The following RNF212 variants were observed in gnomAD, a reference collection of about 807,000 sequenced individuals.
The protein encoded by RNF212 is probable E3 SUMO-protein ligase RNF212.
In RNF212, 33 loss-of-function variants were observed where a neutral mutation model predicts 34.7. That is an observed-to-expected ratio of 0.95 (90% CI 0.72 to 1.27). RNF212 has a LOEUF of 1.27. Among genes scored for constraint, RNF212 ranks in the 50% most tolerant of loss-of-function variants. The probability of loss-of-function intolerance (pLI) is 0.00; values close to 1 mark genes in which losing one functional copy is unlikely to be tolerated. For missense variants in RNF212, 377 were observed against 362.2 expected (o/e 1.04, Z -0.33); for synonymous variants, 140 against 136.1 (o/e 1.03, Z -0.20).
chr4:1,091,326 G>C lies in RNF212; in HGVS notation c.247-488C>G, dbSNP rs181013206. ...ACCCTCCCATTTACAGGAGCCCCGG[G>C]TTCCATGCATGCTGTCTAGACAGCT... On this transcript the variant is annotated intron_variant, in intron 3 of 9. Transcript: ENST00000433731. Among the ~76,000 whole-genome samples the C allele has an allele frequency of 2.0e-3, 310 of 152,314 alleles. 4 individuals are homozygous for C. Among genetic ancestry groups the C allele is most frequent in the Non-Finnish European group, 6.0e-4 (41 of 68,030 alleles).
intron 3 of RNF212, among the ~76,000 whole-genome samples, chr4:1,062,110 A>G (rs1260969395): frequency 6.6e-6 from 1 of 152,248 alleles, no homozygotes; most frequent in Non-Finnish European, 1.5e-5. Context: ...CAAGAAGGGA[A>G]CATTTTCTAA....
At chr4:1,111,617 A>G (rs1233420274) in intron 1 of RNF212, among the ~76,000 whole-genome samples, 1 of 152,018 alleles carries the variant, frequency 6.6e-6, no homozygotes, top group Non-Finnish European at 1.5e-5. Flanking sequence ...ATCACCTCTC[A>G]TGTGCTCAGC....
chr4:1,090,924 G>A (rs1453381075), intron 3 of RNF212, 86 bp from the exon 4 acceptor site: 4 of 821,854 alleles, frequency 4.9e-6, no homozygotes, highest in South Asian at 4.3e-5. Flanking sequence ...AGGCTGGAGG[G>A]ACTCTCAGGA....
chr4:1,086,499 C>A (rs1721181988), intron 4 of RNF212, among the ~76,000 whole-genome samples: 1 of 140,590 alleles, frequency 7.1e-6, no homozygotes, highest in Non-Finnish European at 1.5e-5. Flanking sequence ...CTGGCTCCTG[C>A]AAGAAGCCTC....
intron 1 of RNF212, among the ~76,000 whole-genome samples, chr4:1,111,154 G>A (rs1011932737): frequency 6.6e-6 from 1 of 152,140 alleles, no homozygotes; most frequent in Admixed American, 6.5e-5. Flanking sequence ...CCAATTCCTT[G>A]ACTTCACTGG....
intron 7 of RNF212, 76 bp downstream of exon 7, chr4:1,081,343 G>A: frequency 8.1e-7 from 1 of 1,237,150 alleles, no homozygotes; most frequent in Non-Finnish European, 1.2e-6. Context: ...GAGAGGGGGT[G>A]GGGTTGGGAT....
At chr4:1,094,485 G>T (rs1036714176) in intron 3 of RNF212, among the ~76,000 whole-genome samples, 1 of 152,174 alleles carries the variant, frequency 6.6e-6, no homozygotes, top group Non-Finnish European at 1.5e-5. Context: ...TGGACAAGCC[G>T]CAACTGAGAG....
downstream of RNF212, among the ~76,000 whole-genome samples, chr4:1,070,598 T>C (rs1483296097): frequency 1.3e-5 from 2 of 150,798 alleles, no homozygotes; most frequent in African/African-American, 4.9e-5. Context: ...CGTGGATGCC[T>C]GGCCTGAGTT....
intron 7 of RNF212, among the ~76,000 whole-genome samples, chr4:1,080,859 C>A (rs952327366): frequency 1.3e-5 from 2 of 152,234 alleles, no homozygotes; most frequent in Admixed American, 1.3e-4. Context: ...CTACCCCAGG[C>A]CGGGTTTTCT....
At chr4:1,057,272 C>G (rs951205837) in intron 4 of RNF212, among the ~76,000 whole-genome samples, 3 of 152,160 alleles carry the variant, frequency 2.0e-5, no homozygotes, top group Non-Finnish European at 4.4e-5. Context: ...CTGCAGGCAG[C>G]CAGGGGTGGA....
intron 4 of RNF212, among the ~76,000 whole-genome samples, chr4:1,086,343 G>A (rs1425042981): frequency 1.3e-5 from 2 of 152,012 alleles, no homozygotes; most frequent in African/African-American, 4.8e-5. Context: ...CCCGCCCTGT[G>A]TGTGGGAGCT....
chr4:1,056,758 GCA>G (rs1717350143), intron 4 of RNF212: 2 of 797,150 alleles, frequency 2.5e-6, no homozygotes, highest in Admixed American at 1.2e-4. Context: ...GCTGCCCTTG[GCA>G]CACACTCAGT....
intron 4 of RNF212, among the ~76,000 whole-genome samples, chr4:1,057,616 C>T (rs918015502): frequency 6.6e-6 from 1 of 152,152 alleles, no homozygotes; most frequent in Non-Finnish European, 1.5e-5. Context: ...GAGCAGCTGC[C>T]CCAAAAACCA....
At chr4:1,111,441 G>A (rs1725641260) in intron 1 of RNF212, among the ~76,000 whole-genome samples, 2 of 152,128 alleles carry the variant, frequency 1.3e-5, no homozygotes, top group Admixed American at 1.3e-4. Flanking sequence ...GAGCTCAGGG[G>A]CCCTGCACCC....
chr4:1,100,193 T>C (rs1428693503), intron 2 of RNF212: 1 of 304,074 alleles, frequency 3.3e-6, no homozygotes, highest in Non-Finnish European at 6.4e-6. Flanking sequence ...CCAGGCTTAC[T>C]GCTTTCCCGT....
intron 2 of RNF212, chr4:1,100,986 A>G (rs1009195297): frequency 8.9e-5 from 16 of 180,412 alleles, no homozygotes; most frequent in African/African-American, 3.8e-4. Flanking sequence ...GCTCTTCCAT[A>G]TTGTCAGGCT....
At chr4:1,108,063 G>C (rs1725094759) in intron 2 of RNF212, among the ~76,000 whole-genome samples, 1 of 152,162 alleles carries the variant, frequency 6.6e-6, no homozygotes, top group African/African-American at 2.4e-5. Context: ...CTCTTAAGGT[G>C]CCTGTATTGT....
chr4:1,078,561 A>G (rs59830952), intron 8 of RNF212, among the ~76,000 whole-genome samples: 6,491 of 152,142 alleles, frequency 0.043, 475 homozygotes, highest in African/African-American at 0.15. Flanking sequence ...TTTCTGACCC[A>G]TTTCTTTTCC....
chr4:1,084,020 C>T (rs112078081), intron 5 of RNF212, among the ~76,000 whole-genome samples: 22 of 145,536 alleles, frequency 1.5e-4, no homozygotes, highest in African/African-American at 5.3e-4. Flanking sequence ...ATGATCTTGG[C>T]TCACCGCAAC....
Sources: gnomAD v4.1 joint callset for allele counts (sites outside exome capture counted in the v4.1 genomes callset) on GRCh38, gnomAD v4.1.1 for gene constraint, MANE v1.5 for transcripts, NCBI Gene and HGNC (gene_info 2026-07-23, HGNC 2026-07-21) for gene names.